BICRAL: variants seen among roughly 807,000 people sequenced by gnomAD.
The protein encoded by BICRAL is BICRA like chromatin remodeling complex associated protein, also known as BRD4-interacting chromatin-remodeling complex-associated protein-like.
In BICRAL, 8 loss-of-function variants were observed where a neutral mutation model predicts 91.8. The ratio of observed to expected loss-of-function variants is 0.09; its 90% CI spans 0.05 to 0.16. The LOEUF is 0.16. Ranked by LOEUF, BICRAL falls within the 10% of genes least tolerant of loss-of-function variation. The pLI, the probability that BICRAL is intolerant of heterozygous loss-of-function variation, is 1.00. For synonymous variants in BICRAL, 445 were observed against 491.1 expected (o/e 0.91, Z 1.24); for missense variants, 1,038 against 1,310.9 (o/e 0.79, Z 3.21).
intron 6 of BICRAL, among the ~76,000 whole-genome samples, chr6:42,837,499 C>T (rs560117371): frequency 6.6e-6 from 1 of 151,730 alleles, no homozygotes; most frequent in Non-Finnish European, 1.5e-5. Context: ...CGCCTGTAAT[C>T]GCAGCACTTT....
chr6:42,771,555 A>G lies in BICRAL; in HGVS notation c.-260-10284A>G, dbSNP rs905112969. On this transcript the variant is annotated intron_variant, in intron 1 of 14. Coordinates refer to the BICRAL transcript ENST00000614467. ...AAGGAGGGTTTTGAGGTTTTTGACTATTTGCTTGCAAGTATCTAAGTAAGA... is the reference window on the plus strand; with the variant it reads ...AAGGAGGGTTTTGAGGTTTTTGACTGTTTGCTTGCAAGTATCTAAGTAAGA... Among the ~76,000 whole-genome samples the G allele has an allele frequency of 1.1e-4, 16 of 151,900 alleles. No individual in the cohort carries two copies. The South Asian group carries it at 1.7e-3, about 16-fold the overall frequency.
intron 1 of BICRAL, among the ~76,000 whole-genome samples, chr6:42,787,657 C>G (rs548026479): frequency 2.6e-5 from 4 of 152,292 alleles, no homozygotes; most frequent in African/African-American, 9.6e-5. Context: ...ATGGTCACCT[C>G]TGTCAAATGC....
At position 42,866,782 on chromosome 6, in the gene BICRAL, T is replaced by C. The variant is rs1765719227; in HGVS notation, c.*1336T>C. Reference sequence around the variant, plus strand: ...TTTTATTTCTTGTCAGGGAGTATTCTCCGTTTTCCTTTCTCGTATACCTGC... The same window carrying C: ...TTTTATTTCTTGTCAGGGAGTATTCCCCGTTTTCCTTTCTCGTATACCTGC... On this transcript the variant is annotated 3_prime_UTR_variant, in exon 13 of 13. Transcript: ENST00000314073. 1 of 456,336 alleles carries C rather than the reference T, an allele frequency of 2.2e-6. No individual in the cohort carries two copies. The highest frequency in any genetic ancestry group is 2.0e-5 in the African/African-American group (1 of 50,076). The allele number at this position is 456,336 out of a possible 1,614,324, so 28.3% of individuals were successfully genotyped here.
intron 6 of BICRAL, among the ~76,000 whole-genome samples, chr6:42,849,015 C>T (rs1363456429): frequency 1.3e-5 from 2 of 152,132 alleles, no homozygotes; most frequent in Admixed American, 6.6e-5. Context: ...GACCCTTCCC[C>T]TTGTGGGTTT....
intron 1 of BICRAL, among the ~76,000 whole-genome samples, chr6:42,763,714 G>A (rs1008253787): frequency 4.6e-5 from 7 of 151,898 alleles, no homozygotes; most frequent in African/African-American, 1.7e-4. Context: ...CCAGGTACTT[G>A]GGAGGCTAAG....
At chr6:42,783,256 CCCCAGCCGCGCGGAGGACCGGCGG>C (rs1762985867) in intron 1 of BICRAL, among the ~76,000 whole-genome samples, 1 of 151,888 alleles carries the variant, frequency 6.6e-6, no homozygotes, top group Non-Finnish European at 1.5e-5. Flanking sequence ...CCGGCCGAGC[CCCCAGCCGCGCGGAGGACCGGCGG>C]CCCAGCCGGG....
At chr6:42,771,620 C>A (rs941408046) in intron 1 of BICRAL, among the ~76,000 whole-genome samples, 2 of 151,942 alleles carry the variant, frequency 1.3e-5, no homozygotes, top group African/African-American at 4.8e-5. Flanking sequence ...GGCTAGCAAC[C>A]CGACAAAATA....
chr6:42,782,895 T>G lies in BICRAL; in HGVS notation c.-102+794T>G, dbSNP rs548303357. ...TCTCCTCCCCTCTGTTTTCCCCCCC[T>G]CGTTTCTTTTCTCTCTCGGAAGCTC... On this transcript the variant is annotated intron_variant, in intron 1 of 12. Coordinates refer to ENST00000314073, the MANE Select transcript of BICRAL (RefSeq NM_001393499.1). Among the ~76,000 whole-genome samples, 24 of 150,476 alleles carry G rather than the reference T, an allele frequency of 1.6e-4. No individual in the cohort carries two copies. In the South Asian group the frequency reaches 2.7e-3, roughly 17 times the overall value.
At chr6:42,821,809 T>C (rs1764144544) in intron 2 of BICRAL, among the ~76,000 whole-genome samples, 2 of 152,232 alleles carry the variant, frequency 1.3e-5, no homozygotes, top group African/African-American at 4.8e-5. Context: ...AGTTAAAGGT[T>C]TGTTTTCAAT....
chr6:42,794,747 G>A lies in BICRAL; in HGVS notation c.-102+12646G>A, dbSNP rs1421302886. On this transcript the variant is annotated intron_variant, in intron 1 of 12. Coordinates refer to ENST00000314073, the MANE Select transcript of BICRAL (RefSeq NM_001393499.1). ...GCGGATCACTTGAGGCCAGGAGTTC[G>A]AGACCAGCCTGGCCAACATGGTGAA... Among the ~76,000 whole-genome samples the A allele has an allele frequency of 3.4e-5, 5 of 146,252 alleles. No homozygotes were observed. In the East Asian group the frequency reaches 6.0e-4, roughly 18 times the overall value.
rs527425094 is a variant in BICRAL at position 42,747,570 on chromosome 6, G to A, written c.-261+547G>A. On this transcript the variant is annotated intron_variant, in intron 1 of 14. Coordinates refer to the BICRAL transcript ENST00000614467. ...AAACAAAACACACATAAATTGCTGG[G>A]CCAGAGTATTTCTCCGCTGAGAGCA... Among the ~76,000 whole-genome samples the A allele has an allele frequency of 6.6e-5, 10 of 152,224 alleles. No homozygotes were observed. In the South Asian group the frequency reaches 2.1e-3, roughly 32 times the overall value.
chr6:42,806,441 G>A (rs906666505), intron 1 of BICRAL, among the ~76,000 whole-genome samples: 1 of 152,118 alleles, frequency 6.6e-6, no homozygotes, highest in Non-Finnish European at 1.5e-5. Context: ...TTGACCTTCC[G>A]GCTCAAGCAA....
At chr6:42,788,612 TG>T (rs1316821553) in intron 1 of BICRAL, among the ~76,000 whole-genome samples, 1 of 152,132 alleles carries the variant, frequency 6.6e-6, no homozygotes, top group Non-Finnish European at 1.5e-5. Context: ...AGACAAAGAA[TG>T]GGGGCACAAG....
intron 1 of BICRAL, among the ~76,000 whole-genome samples, chr6:42,770,456 C>G (rs1762702628): frequency 6.7e-6 from 1 of 149,122 alleles, no homozygotes; most frequent in African/African-American, 2.5e-5. Flanking sequence ...CTCATATTGC[C>G]CAGACTGGAG....
At chr6:42,782,347 G>T (rs1318826997) in intron 1 of BICRAL, among the ~76,000 whole-genome samples, 2 of 145,892 alleles carry the variant, frequency 1.4e-5, no homozygotes, top group Admixed American at 1.3e-4. Flanking sequence ...TTTTTTTGGG[G>T]GGGGGTGGGT....
At chr6:42,765,515 G>A (rs1295905423) in intron 1 of BICRAL, among the ~76,000 whole-genome samples, 1 of 152,214 alleles carries the variant, frequency 6.6e-6, no homozygotes, top group Non-Finnish European at 1.5e-5. Context: ...AACATGGCAT[G>A]CATGCTATTT....
intron 2 of BICRAL, among the ~76,000 whole-genome samples, chr6:42,819,860 AGAG>A (rs1160372709): frequency 2.6e-5 from 4 of 152,208 alleles, no homozygotes; most frequent in African/African-American, 4.8e-5. Flanking sequence ...TACTGGGACC[AGAG>A]GAGAAGGCCT....
At chr6:42,808,234 C>T (rs1401000054) in intron 1 of BICRAL, among the ~76,000 whole-genome samples, 3 of 151,434 alleles carry the variant, frequency 2.0e-5, no homozygotes, top group East Asian at 1.9e-4. Flanking sequence ...CAGGTTTAAG[C>T]GATTCTCCTG....
chr6:42,830,249 T>G, intron 6 of BICRAL, 77 bp downstream of exon 6: 2 of 1,453,772 alleles, frequency 1.4e-6, no homozygotes, highest in Non-Finnish European at 1.9e-6. Context: ...AGAATATAAT[T>G]TTCATCCTAG....
Sources: allele counts gnomAD v4.1 joint callset (sites outside exome capture counted in the v4.1 genomes callset), GRCh38; gene constraint gnomAD v4.1.1; transcripts MANE v1.5; gene names NCBI Gene and HGNC (gene_info 2026-07-23, HGNC 2026-07-21).